The following NRXN1 variants were observed in gnomAD, a reference collection of about 807,000 sequenced individuals.
NRXN1 encodes neurexin-1.
NRXN1 carries 39 observed loss-of-function variants against 150.9 expected under a neutral mutation model. The ratio of observed to expected loss-of-function variants is 0.26; its 90% CI spans 0.20 to 0.34. The LOEUF (loss-of-function observed/expected upper bound fraction) is 0.34. NRXN1 is among the 10% of genes least tolerant of loss of function. The pLI is 1.00. For missense variants in NRXN1, 1,815 were observed against 1,949.9 expected (o/e 0.93, Z 1.30); for synonymous variants, 924 against 757.0 (o/e 1.22, Z -3.62).
chr2:50,383,068 A>T (rs1372256064), intron 17 of NRXN1, among the ~76,000 whole-genome samples: 1 of 152,152 alleles, frequency 6.6e-6, no homozygotes, highest in Non-Finnish European at 1.5e-5. Flanking sequence ...AAATAATATT[A>T]ATTTTCCTTA....
chr2:50,414,893 C>T (rs2083432552), intron 17 of NRXN1, among the ~76,000 whole-genome samples: 2 of 152,058 alleles, frequency 1.3e-5, no homozygotes, highest in Admixed American at 1.3e-4. Flanking sequence ...AAGAAAATTT[C>T]ATTTGAAACC....
At chr2:50,665,035 G>A (rs1221997353) in intron 5 of NRXN1, among the ~76,000 whole-genome samples, 1 of 151,904 alleles carries the variant, frequency 6.6e-6, no homozygotes, top group Non-Finnish European at 1.5e-5. Context: ...TAATTAACTT[G>A]TTCTCTTAAC....
chr2:50,154,226 T>C (rs1163987032), intron 18 of NRXN1, among the ~76,000 whole-genome samples: 1 of 151,620 alleles, frequency 6.6e-6, no homozygotes, highest in Non-Finnish European at 1.5e-5. Flanking sequence ...GATAAAGATC[T>C]GAATAAAAAA....
At chr2:50,951,261 A>G (rs1691286871) in intron 2 of NRXN1, among the ~76,000 whole-genome samples, 1 of 152,176 alleles carries the variant, frequency 6.6e-6, no homozygotes, top group Non-Finnish European at 1.5e-5. Context: ...CAAAGCCTGT[A>G]AATCTGTGAA....
At chr2:50,925,993 A>C in intron 2 of NRXN1, 38 bp from the exon 3 acceptor site, 2 of 1,542,316 alleles carry the variant, frequency 1.3e-6, no homozygotes, top group East Asian at 4.8e-5. Context: ...AAAAGGAAAA[A>C]CATTCATTAA....
rs542383023 is a variant in NRXN1 at position 50,828,523 on chromosome 2, G to C, written c.832+93346C>G. 7.7e-4 allele frequency among the ~76,000 whole-genome samples: 116 copies of C among 150,936 alleles called. 1 individual carries two copies. The Middle Eastern group carries it at 0.028, about 37-fold the overall frequency. On this transcript the variant is annotated intron_variant, in intron 5 of 22. Coordinates refer to ENST00000401669, the MANE Select transcript of NRXN1 (RefSeq NM_001330078.2). ...CCTCCCTTCTCAGACGGGGCGGCTG[G>C]GCAGAGACGCTCCTCACCTCCCAGA...
intron 5 of NRXN1, among the ~76,000 whole-genome samples, chr2:50,819,598 A>G (rs1264363362): frequency 6.6e-6 from 1 of 152,080 alleles, no homozygotes; most frequent in Non-Finnish European, 1.5e-5. Flanking sequence ...AAAGTTCTAG[A>G]GATCTTCCCT....
chr2:50,304,651 T>G (rs1249022729), intron 17 of NRXN1, among the ~76,000 whole-genome samples: 1 of 151,342 alleles, frequency 6.6e-6, no homozygotes, highest in Non-Finnish European at 1.5e-5. Flanking sequence ...TCTTATTAAT[T>G]AAAGTCTATT....
chr2:50,706,297 A>G (rs1018094646), intron 5 of NRXN1, among the ~76,000 whole-genome samples: 5 of 152,192 alleles, frequency 3.3e-5, no homozygotes, highest in African/African-American at 1.2e-4. Flanking sequence ...GCTGGGTTAT[A>G]TAGTCATTGC....
chr2:50,619,500 G>C (rs1383163716), intron 8 of NRXN1: 1 of 157,942 alleles, frequency 6.3e-6, no homozygotes, highest in East Asian at 1.8e-4. Flanking sequence ...AAATTCACCA[G>C]ATAACATTTA....
chr2:50,064,062 C>T (rs1558798974), intron 19 of NRXN1, among the ~76,000 whole-genome samples: 1 of 152,074 alleles, frequency 6.6e-6, no homozygotes, highest in Non-Finnish European at 1.5e-5. Context: ...TAGAACTTTG[C>T]AAAACGTTAT....
intron 17 of NRXN1, among the ~76,000 whole-genome samples, chr2:50,421,485 T>C (rs1234937416): frequency 6.6e-6 from 1 of 152,164 alleles, no homozygotes; most frequent in African/African-American, 2.4e-5. Flanking sequence ...AATCATTCTG[T>C]ATAGTTACCA....
At chr2:50,517,425 T>C (rs573513256) in intron 12 of NRXN1, among the ~76,000 whole-genome samples, 11 of 151,910 alleles carry the variant, frequency 7.2e-5, no homozygotes, top group Non-Finnish European at 1.3e-4. Flanking sequence ...TTTTTTTAAA[T>C]GGTAGATGAA....
At chr2:50,755,727 A>G (rs1183701802) in intron 5 of NRXN1, among the ~76,000 whole-genome samples, 3 of 151,858 alleles carry the variant, frequency 2.0e-5, no homozygotes, top group African/African-American at 7.2e-5. Flanking sequence ...CACACTTTAC[A>G]TTTAAACTAA....
chr2:50,265,893 A>G (rs1466100101), intron 17 of NRXN1, among the ~76,000 whole-genome samples: 3 of 152,000 alleles, frequency 2.0e-5, no homozygotes, highest in African/African-American at 7.2e-5. Context: ...GAGAGGAGCA[A>G]GTTAAAGCTA....
At chr2:51,006,180 A>C (rs1266548412) in intron 2 of NRXN1, among the ~76,000 whole-genome samples, 1 of 151,890 alleles carries the variant, frequency 6.6e-6, no homozygotes, top group Non-Finnish European at 1.5e-5. Flanking sequence ...ATTTATTTCC[A>C]ATTTCCTTTC....
chr2:50,770,778 T>C (rs922289779), intron 5 of NRXN1, among the ~76,000 whole-genome samples: 17 of 152,062 alleles, frequency 1.1e-4, no homozygotes, highest in East Asian at 3.9e-4. Flanking sequence ...CAGGGATTAA[T>C]AGAGACTGGT....
At chr2:50,334,495 G>A (rs1019857321) in intron 17 of NRXN1, among the ~76,000 whole-genome samples, 1 of 152,044 alleles carries the variant, frequency 6.6e-6, no homozygotes, top group African/African-American at 2.4e-5. Context: ...AGCTTTTACT[G>A]ATTCCCTTGC....
intron 14 of NRXN1, among the ~76,000 whole-genome samples, chr2:50,497,034 G>C (rs542555930): frequency 6.6e-6 from 1 of 152,182 alleles, no homozygotes; most frequent in East Asian, 1.9e-4. Context: ...GAATTACATT[G>C]TGCATAGTCA....
Sources: allele counts gnomAD v4.1 joint callset (sites outside exome capture counted in the v4.1 genomes callset), GRCh38; gene constraint gnomAD v4.1.1; transcripts MANE v1.5; gene names NCBI Gene and HGNC (gene_info 2026-07-23, HGNC 2026-07-21).